Variants in FGD5 observed in about 807,000 individuals in gnomAD.
The protein encoded by FGD5 is FYVE, RhoGEF and PH domain containing 5, also known as FYVE, RhoGEF and PH domain-containing protein 5.
A neutral mutation model predicts 133.4 loss-of-function variants in FGD5; 28 were observed. The observed-to-expected ratio is 0.21, with a 90% confidence interval of 0.16 to 0.29. The LOEUF (loss-of-function observed/expected upper bound fraction) is 0.29. FGD5 is among the 10% of genes least tolerant of loss of function. The probability of loss-of-function intolerance (pLI) is 1.00; values close to 1 mark genes in which losing one functional copy is unlikely to be tolerated. For missense variants in FGD5, 1,858 were observed against 1,895.2 expected, an observed-to-expected ratio of 0.98 and a Z score of 0.36; for synonymous variants, 810 against 776.5, an observed-to-expected ratio of 1.04 and a Z score of -0.72.
At chr3:14,896,802 A>T (rs1460843351) in intron 4 of FGD5, among the ~76,000 whole-genome samples, 1 of 152,132 alleles carries the variant, frequency 6.6e-6, no homozygotes, top group East Asian at 1.9e-4. Context: ...TATTAAATTG[A>T]GTTTAGTTTT....
intron 4 of FGD5, chr3:14,882,378 G>C (rs566354664): frequency 5.1e-5 from 50 of 984,012 alleles, no homozygotes; most frequent in South Asian, 3.8e-4. Context: ...AGATCCTGAG[G>C]ATGGGGTGAA....
At chr3:14,914,277 C>T (rs1045717687) in intron 11 of FGD5, among the ~76,000 whole-genome samples, 3 of 152,224 alleles carry the variant, frequency 2.0e-5, no homozygotes, top group South Asian at 4.1e-4. Flanking sequence ...TGGGCGCCCA[C>T]GCCCAGCAGT....
At chr3:14,912,516 G>A (rs945725204) in intron 11 of FGD5, among the ~76,000 whole-genome samples, 1 of 152,204 alleles carries the variant, frequency 6.6e-6, no homozygotes, top group Non-Finnish European at 1.5e-5. Flanking sequence ...CCCCACAGAT[G>A]CCTGAGTCCT....
At chr3:14,893,933 T>C (rs545191252) in intron 4 of FGD5, among the ~76,000 whole-genome samples, 1 of 151,900 alleles carries the variant, frequency 6.6e-6, no homozygotes, top group South Asian at 2.1e-4. Context: ...AATTTTTGTA[T>C]TTTTAGTAGA....
At chr3:14,849,140 A>G (rs1159025183) in intron 1 of FGD5, among the ~76,000 whole-genome samples, 1 of 152,170 alleles carries the variant, frequency 6.6e-6, no homozygotes, top group African/African-American at 2.4e-5. Context: ...CCTGAGCCTC[A>G]GTGTGTCCGT....
chr3:14,835,767 C>G (rs2036805812), intron 1 of FGD5, among the ~76,000 whole-genome samples: 1 of 152,190 alleles, frequency 6.6e-6, no homozygotes. Flanking sequence ...GAATGCCTCT[C>G]AGTTCCTTGA....
At position 14,821,336 on chromosome 3, in the gene FGD5, C is replaced by G; in HGVS notation, c.2265C>G (p.Pro755=). ...FEDRSRPPFL[P]LPLTKPRSIS... ...ACCGCTCCCGGCCGCCCTTCCTGCC[C>G]TTGCCACTGACCAAGCCACGGTCCA... is the stretch of plus-strand genomic sequence containing the variant. The change falls in exon 1 of 20, where the codon CCC becomes CCG. Residue 755 remains proline, a synonymous_variant. Transcript: ENST00000285046. 1 of 1,614,012 alleles carries G rather than the reference C, an allele frequency of 6.2e-7. No homozygotes were observed. The highest frequency in any genetic ancestry group is 8.5e-7 in the Non-Finnish European group (1 of 1,179,882).
At chr3:14,933,022 C>T in intron 19 of FGD5, 109 bp from the exon 20 acceptor site, 1 of 1,299,318 alleles carries the variant, frequency 7.7e-7, no homozygotes, top group Non-Finnish European at 1.1e-6. Flanking sequence ...CGACATGGTC[C>T]TTGACTTCAA....
chr3:14,933,219 G>A lies in FGD5; in HGVS notation c.*52G>A. 8.8e-6 allele frequency: 14 copies of A among 1,586,192 alleles called. No individual in the cohort carries two copies. The highest frequency in any genetic ancestry group is 1.2e-5 in the Non-Finnish European group (14 of 1,161,566). Reference sequence around the variant, plus strand: ...CAAATTCTTAGGTCAATATGTGAATGCTTTTAGAAGCTAAGCTGTGGCTCA... The same window carrying A: ...CAAATTCTTAGGTCAATATGTGAATACTTTTAGAAGCTAAGCTGTGGCTCA... On this transcript the variant is annotated 3_prime_UTR_variant, in exon 20 of 20. Transcript: ENST00000285046.
At position 14,839,212 on chromosome 3, in the gene FGD5, T is replaced by C. The variant is rs550931180; in HGVS notation, c.2525+17616T>C. ...CCCGTCATTTCTGACCTGGGAGGAA[T>C]TGGGGGAATTCATTTAACCTTCCTG... On this transcript the variant is annotated intron_variant, in intron 1 of 19. Coordinates refer to ENST00000285046, the MANE Select transcript of FGD5 (RefSeq NM_152536.4). 1.2e-4 allele frequency among the ~76,000 whole-genome samples: 19 copies of C among 152,252 alleles called. 1 individual carries two copies. The South Asian group carries it at 1.5e-3, about 12-fold the overall frequency.
chr3:14,816,168 G>A (rs866666146), upstream of FGD5, among the ~76,000 whole-genome samples: 1 of 152,180 alleles, frequency 6.6e-6, no homozygotes, highest in Non-Finnish European at 1.5e-5. Flanking sequence ...TGGGTGGGAC[G>A]GGGGTGATAT....
chr3:14,845,563 A>T (rs922574994), intron 1 of FGD5, among the ~76,000 whole-genome samples: 1 of 152,180 alleles, frequency 6.6e-6, no homozygotes, highest in Non-Finnish European at 1.5e-5. Context: ...GGAACAGGTG[A>T]TGCAGGCAGG....
chr3:14,818,854 C>T (rs1453790180), upstream of FGD5: 11 of 1,286,242 alleles, frequency 8.6e-6, no homozygotes, highest in East Asian at 1.2e-4. Context: ...CATGGATGGA[C>T]GGAACCATCT....
chr3:14,823,657 C>T (rs1381194634), intron 1 of FGD5, among the ~76,000 whole-genome samples: 1 of 152,212 alleles, frequency 6.6e-6, no homozygotes, highest in African/African-American at 2.4e-5. Context: ...CAAACCCAGA[C>T]TTCTTGACTT....
intron 1 of FGD5, among the ~76,000 whole-genome samples, chr3:14,857,875 A>C (rs2037314718): frequency 6.6e-6 from 1 of 152,112 alleles, no homozygotes; most frequent in Non-Finnish European, 1.5e-5. Context: ...ATTTCAATGA[A>C]TCCTCTAAAT....
rs567675453 is a variant in FGD5, at chr3:14,810,976, G to A, written c.13+111G>A. The A allele has an allele frequency of 7.6e-5, 68 of 891,376 alleles. No homozygotes were observed. The African/African-American group carries it at 7.7e-4, about 10-fold the overall frequency. 55.2% of individuals were successfully genotyped at this position (891,376 alleles called of 1,614,324 possible). On this transcript the variant is annotated intron_variant, in intron 1 of 1. Transcript: ENST00000640506. ...CGGGGCTAGCTGCCCGAAATCCTCC[G>A]ACCTTCCAGTGCCGCTCGGCCTCGG...
chr3:14,880,118 G>C (rs1423987789), intron 2 of FGD5, among the ~76,000 whole-genome samples: 2 of 152,154 alleles, frequency 1.3e-5, no homozygotes, highest in African/African-American at 4.8e-5. Context: ...AGGCCAAGGT[G>C]AGCGGATTGC....
rs368388794 is a variant in FGD5, at chr3:14,821,051, G to A, written c.1980G>A (p.Thr660=). The change falls in exon 1 of 20, where the codon ACG becomes ACA. Residue 660 remains threonine, a synonymous_variant. Transcript: ENST00000285046. The part of the protein sequence containing the change: ...KSSFKRFLAL[T]FKKKTENKLH... ...CCTTTAAGCGCTTCCTGGCACTGAC[G>A]TTTAAGAAGAAGACGGAGAACAAAT... The A allele has an allele frequency of 3.2e-5, 52 of 1,613,828 alleles. No homozygotes were observed. The East Asian group carries it at 9.4e-4, about 29-fold the overall frequency.
Position 14,819,084 on chromosome 3 carries a change from C to G in FGD5, c.13C>G (p.Pro5Ala). 1 of 1,548,748 alleles carries G rather than the reference C, an allele frequency of 6.5e-7. No homozygotes were observed. The highest frequency in any genetic ancestry group is 8.7e-7 in the Non-Finnish European group (1 of 1,146,508). The change falls in exon 1 of 20, where the codon CCG becomes GCG. Residue 5 changes from proline (P) to alanine (A), a missense_variant. Pro to Ala is a conservative substitution (Grantham distance 27). Transcript: ENST00000285046. This position sits in a 1 kb window ranked among gnomAD's most constrained non-coding sequence, Gnocchi z 4.1. ...CAGTCCAAACTCCATGTTCAGGGGT[C>G]CGAAGCCCCCCATTGCCCCCAAGCC... is the stretch of plus-strand genomic sequence containing the variant. MFRGPKPPIAPKPRL... is the reference protein window; with the variant it reads MFRGAKPPIAPKPRL...
Sources: allele counts gnomAD v4.1 joint callset (sites outside exome capture counted in the v4.1 genomes callset), GRCh38; gene constraint gnomAD v4.1.1; non-coding constraint Gnocchi (gnomAD v3.1); transcripts MANE v1.5; gene names NCBI Gene and HGNC (gene_info 2026-07-23, HGNC 2026-07-21).